The following TTLL11 variants were observed in gnomAD, a reference collection of about 807,000 sequenced individuals.
TTLL11 encodes the protein tubulin tyrosine ligase like 11, also known as tubulin polyglutamylase TTLL11.
TTLL11 carries 42 observed loss-of-function variants against 51.7 expected under a neutral mutation model. The ratio of observed to expected loss-of-function variants is 0.81; its 90% CI spans 0.64 to 1.05. The LOEUF (loss-of-function observed/expected upper bound fraction) is 1.05, where lower values mean the gene tolerates loss of function less well. Among genes scored for constraint, TTLL11 ranks in the 50% least tolerant of loss-of-function variants. The pLI, the probability that TTLL11 is intolerant of heterozygous loss-of-function variation, is 0.00. For missense variants in TTLL11, 799 were observed against 940.4 expected, an observed-to-expected ratio of 0.85 and a Z score of 1.97; for synonymous variants, 381 against 383.5, an observed-to-expected ratio of 0.99 and a Z score of 0.08.
chr9:122,074,277 TAAAAAAA>T (rs201390866), intron 1 of TTLL11, among the ~76,000 whole-genome samples: 10 of 133,558 alleles, frequency 7.5e-5, no homozygotes, highest in Non-Finnish European at 1.5e-4. Flanking sequence ...TCATCTCAAT[TAAAAAAA>T]AAAAAAAAAG....
At chr9:121,897,368 G>T (rs975458586) in intron 6 of TTLL11, among the ~76,000 whole-genome samples, 2 of 152,096 alleles carry the variant, frequency 1.3e-5, no homozygotes, top group African/African-American at 2.4e-5. Flanking sequence ...AGCCTGAGCC[G>T]CTCTTCGTTG....
rs778923402 is a variant in TTLL11, at chr9:122,031,709, G to C, written c.693+14C>G. On this transcript the variant is annotated intron_variant, in intron 3 of 8. Coordinates refer to ENST00000321582, the MANE Select transcript of TTLL11 (RefSeq NM_001139442.2). Reference sequence around the variant, plus strand: ...AATATAATTCAGGGGTCATGGGGACGGAGTGCCATCTACCTGAGCAACAAA... The same window carrying C: ...AATATAATTCAGGGGTCATGGGGACCGAGTGCCATCTACCTGAGCAACAAA... 6.2e-7 allele frequency: 1 copy of C among 1,611,356 alleles called. No individual in the cohort carries two copies. Among genetic ancestry groups the C allele is most frequent in the African/African-American group, 1.3e-5 (1 of 74,840 alleles).
intron 3 of TTLL11, among the ~76,000 whole-genome samples, chr9:121,992,046 C>T (rs1003725001): frequency 2.6e-5 from 4 of 152,168 alleles, no homozygotes; most frequent in Non-Finnish European, 5.9e-5. Context: ...ATGTATCAGA[C>T]AGCACTGAGG....
At chr9:121,897,712 C>T (rs1250196616) in intron 6 of TTLL11, among the ~76,000 whole-genome samples, 1 of 151,738 alleles carries the variant, frequency 6.6e-6, no homozygotes, top group Non-Finnish European at 1.5e-5. Context: ...AGGCCACCTC[C>T]TCAGGGAAGC....
intron 8 of TTLL11, among the ~76,000 whole-genome samples, chr9:121,843,270 G>A (rs1167573381): frequency 3.3e-5 from 5 of 152,052 alleles, no homozygotes; most frequent in East Asian, 1.9e-4. Flanking sequence ...TAAGATCCAT[G>A]AGTACTGAGG....
chr9:121,946,041 C>T (rs192727017), intron 6 of TTLL11, among the ~76,000 whole-genome samples: 1 of 152,310 alleles, frequency 6.6e-6, no homozygotes, highest in African/African-American at 2.4e-5. Flanking sequence ...TGGTTCTGAG[C>T]CTTGAAGAGC....
At chr9:121,922,813 A>T (rs73664723) in intron 6 of TTLL11, among the ~76,000 whole-genome samples, 1,551 of 151,816 alleles carry the variant, frequency 0.01, 30 homozygotes, top group African/African-American at 0.036. Flanking sequence ...ATCAAACCTC[A>T]AAATCCCAAA....
Position 122,093,275 on chromosome 9 carries a change from A to T in TTLL11, c.-127T>A. ...GCGTTCCCCGCCCGAGCCCGTTGCC[A>T]TGATCGCTCAGGCTCGGGTTGACAG... On this transcript the variant is annotated 5_prime_UTR_variant, in exon 1 of 9. An upstream start codon of the reference 5' UTR is lost. Coordinates refer to ENST00000321582, the MANE Select transcript of TTLL11 (RefSeq NM_001139442.2). The T allele has an allele frequency of 1.0e-5, 16 of 1,555,088 alleles. No homozygotes were observed. The highest frequency in any genetic ancestry group is 1.4e-5 in the Non-Finnish European group (16 of 1,161,068).
intron 3 of TTLL11, among the ~76,000 whole-genome samples, chr9:122,025,288 T>TCA (rs2131791255): frequency 6.6e-6 from 1 of 152,218 alleles, no homozygotes; most frequent in African/African-American, 2.4e-5. Flanking sequence ...TGATGACAGG[T>TCA]CACTACATAC....
chr9:121,875,299 C>T (rs1052255723), intron 6 of TTLL11, among the ~76,000 whole-genome samples: 1 of 152,188 alleles, frequency 6.6e-6, no homozygotes, highest in Non-Finnish European at 1.5e-5. Context: ...TCTGGGACAC[C>T]TCAGACTGGA....
At position 121,860,376 on chromosome 9, in the gene TTLL11, G is replaced by A. The variant is rs967779974; in HGVS notation, c.1801C>T (p.Arg601Trp). 5.8e-6 allele frequency: 9 copies of A among 1,551,352 alleles called. No homozygotes were observed. Among genetic ancestry groups the A allele is most frequent in the African/African-American group, 4.1e-5 (3 of 73,030 alleles). ...TCCAGGGTCATGGAGTTCCACCTCCGTGTGATGTCAATGTAGAGGATGTCC... is the reference window on the plus strand; with the variant it reads ...TCCAGGGTCATGGAGTTCCACCTCCATGTGATGTCAATGTAGAGGATGTCC... ...AVDILYIDIT[R>W]RWNSMTLDQR... Residue 601 changes from arginine to tryptophan, a missense_variant, in exon 8 of 9, where the codon CGG becomes TGG. Physicochemically the swap from Arg to Trp is moderately radical, Grantham distance 101. Coordinates refer to ENST00000321582, the MANE Select transcript of TTLL11 (RefSeq NM_001139442.2).
chr9:121,841,513 C>T (rs1837345302), intron 8 of TTLL11, among the ~76,000 whole-genome samples: 1 of 152,118 alleles, frequency 6.6e-6, no homozygotes, highest in South Asian at 2.1e-4. Flanking sequence ...GAGACTCCCA[C>T]CTGCTACCAA....
rs898731404 is a variant in TTLL11 at position 122,092,559 on chromosome 9, G to A, written c.462+128C>T. On this transcript the variant is annotated intron_variant, in intron 1 of 8. Coordinates refer to ENST00000321582, the MANE Select transcript of TTLL11 (RefSeq NM_001139442.2). The stretch of plus-strand genomic sequence containing the variant: ...ATGAGCACTTTGCGGCTGACAAGCA[G>A]GCCCGAGCGTGGTGCACCGCAGGAG... The A allele has an allele frequency of 2.7e-5, 39 of 1,448,336 alleles. No individual in the cohort carries two copies. The South Asian group carries it at 5.3e-4, about 20-fold the overall frequency. The allele number at this position is 1,448,336 out of a possible 1,614,324, so 89.7% of individuals were successfully genotyped here.
intron 6 of TTLL11, among the ~76,000 whole-genome samples, chr9:121,911,311 C>T (rs1588118276): frequency 6.6e-6 from 1 of 152,100 alleles, no homozygotes; most frequent in Non-Finnish European, 1.5e-5. Flanking sequence ...GCTGGAGAAT[C>T]GCTTGAACCC....
chr9:121,907,938 C>T (rs1485090957), intron 6 of TTLL11, among the ~76,000 whole-genome samples: 1 of 152,198 alleles, frequency 6.6e-6, no homozygotes, highest in African/African-American at 2.4e-5. Flanking sequence ...AATCCTCGTT[C>T]TGCTGGACAT....
intron 6 of TTLL11, among the ~76,000 whole-genome samples, chr9:121,887,655 G>A (rs973995576): frequency 6.6e-6 from 1 of 152,212 alleles, no homozygotes; most frequent in Non-Finnish European, 1.5e-5. Context: ...ATAGAGAGAC[G>A]GCCAGAAGGC....
At chr9:121,884,296 G>A (rs1044307515) in intron 6 of TTLL11, among the ~76,000 whole-genome samples, 4 of 152,148 alleles carry the variant, frequency 2.6e-5, no homozygotes, top group Admixed American at 6.5e-5. Context: ...CGACTCACCC[G>A]GTGGGAGCCA....
At chr9:121,829,182 GACC>G (rs1168047810) in intron 8 of TTLL11, among the ~76,000 whole-genome samples, 1 of 151,978 alleles carries the variant, frequency 6.6e-6, no homozygotes, top group Non-Finnish European at 1.5e-5. Context: ...TCAAACTCCT[GACC>G]TAAAGCAATC....
intron 6 of TTLL11, among the ~76,000 whole-genome samples, chr9:121,881,648 C>T (rs79423330): frequency 0.023 from 3,557 of 152,306 alleles, 125 homozygotes; most frequent in African/African-American, 0.079. Flanking sequence ...CATTTGTATC[C>T]CACTTTCCAA....
Sources: gnomAD v4.1 joint callset for allele counts (sites outside exome capture counted in the v4.1 genomes callset) on GRCh38, gnomAD v4.1.1 for gene constraint, MANE v1.5 for transcripts, NCBI Gene and HGNC (gene_info 2026-07-23, HGNC 2026-07-21) for gene names.